The following TAF2 variants were observed in gnomAD, a reference collection of about 807,000 sequenced individuals.
TAF2 encodes the protein TATA-box binding protein associated factor 2.
A neutral mutation model predicts 138.5 loss-of-function variants in TAF2; 61 were observed. The ratio of observed to expected loss-of-function variants is 0.44; its 90% CI spans 0.36 to 0.54. The LOEUF is 0.54. TAF2 is among the 20% of genes least tolerant of loss of function. TAF2 has a pLI of 0.00. For missense variants in TAF2, 1,090 were observed against 1,427.9 expected, an observed-to-expected ratio of 0.76 and a Z score of 3.81; for synonymous variants, 475 against 469.9, an observed-to-expected ratio of 1.01 and a Z score of -0.14.
intron 5 of TAF2, among the ~76,000 whole-genome samples, chr8:119,803,290 G>C (rs974486261): frequency 1.3e-5 from 2 of 152,142 alleles, no homozygotes; most frequent in African/African-American, 4.8e-5. Context: ...GCAATTTTCT[G>C]TATGTATGTT....
chr8:119,793,455 A>G lies in TAF2; in HGVS notation c.1192-4T>C. ...ATGCCACTATTTTGTCTAGCTCCTA[A>G]AAAATATATAAAAATAGGAGTCAGT... On this transcript the variant is annotated splice_region_variant and splice_polypyrimidine_tract_variant and intron_variant, in intron 9 of 25. Coordinates refer to ENST00000378164, the MANE Select transcript of TAF2 (RefSeq NM_003184.4). The G allele has an allele frequency of 3.7e-6, 6 of 1,603,710 alleles. No individual in the cohort carries two copies. The highest frequency in any genetic ancestry group is 5.1e-6 in the Non-Finnish European group (6 of 1,171,984).
At chr8:119,775,133 T>C (rs953222129) in intron 18 of TAF2, among the ~76,000 whole-genome samples, 2 of 151,170 alleles carry the variant, frequency 1.3e-5, no homozygotes, top group Non-Finnish European at 2.9e-5. Flanking sequence ...ATACAAAAAT[T>C]AGCCAGGTGT....
At position 119,809,998 on chromosome 8, in the gene TAF2, T is replaced by TAAAAAA. The variant is rs56281726; in HGVS notation, c.300-3603_300-3598dup. On this transcript the variant is annotated intron_variant, in intron 3 of 25. Coordinates refer to ENST00000378164, the MANE Select transcript of TAF2 (RefSeq NM_003184.4). ...AAGGTTATCACAAACCTTCAATTTG[T>TAAAAAA]AAAAAAAAAAAAAAAAAAACAGTAT... is the stretch of plus-strand genomic sequence containing the variant. Among the ~76,000 whole-genome samples the TAAAAAA allele has an allele frequency of 1.1e-3, 131 of 117,502 alleles. 7 individuals are homozygous for TAAAAAA. Among genetic ancestry groups the TAAAAAA allele is most frequent in the East Asian group, 1.9e-3 (7 of 3,734 alleles). The allele number at this position is 117,502 out of a possible 152,430, so 77.1% of individuals were successfully genotyped here. A position where few individuals can be genotyped will look rare whatever the true frequency, so the allele number is the denominator to read the frequency against.
chr8:119,732,086 G>A lies in TAF2; in HGVS notation c.3438C>T (p.His1146=). The change falls in exon 26 of 26, where the codon CAC becomes CAT. Residue 1146 remains histidine, a synonymous_variant. Transcript: ENST00000378164. ...KESTASKHSD[H]HHHHHHEHKK... ...TGTGCTCATGGTGATGGTGGTGATG[G>A]TGGTCACTGTGTTTGGAGGCTGTAG... 1 of 1,614,142 alleles carries A rather than the reference G, an allele frequency of 6.2e-7. No individual in the cohort carries two copies. The highest frequency in any genetic ancestry group is 8.5e-7 in the Non-Finnish European group (1 of 1,180,034).
intron 1 of TAF2, among the ~76,000 whole-genome samples, chr8:119,832,055 A>T (rs1376879906): frequency 6.6e-6 from 1 of 152,138 alleles, no homozygotes; most frequent in African/African-American, 2.4e-5. Context: ...GCTACTCAGG[A>T]GGCTGAGCCA....
intron 12 of TAF2, 57 bp downstream of exon 12, chr8:119,789,535 T>A: frequency 6.2e-7 from 1 of 1,600,970 alleles, no homozygotes; most frequent in Non-Finnish European, 8.5e-7. Flanking sequence ...CATCTTCCCC[T>A]TGCACACATA....
chr8:119,826,054 T>C (rs1003595592), intron 2 of TAF2, among the ~76,000 whole-genome samples: 1 of 151,638 alleles, frequency 6.6e-6, no homozygotes, highest in African/African-American at 2.4e-5. Flanking sequence ...AAGTGGGAGT[T>C]GAATAATGAG....
chr8:119,777,966 G>T, intron 18 of TAF2, 53 bp downstream of exon 18: 1 of 982,068 alleles, frequency 1.0e-6, no homozygotes. Context: ...TATTCATTAA[G>T]AAAATTATCT....
rs1826533454 is a variant in TAF2, at chr8:119,832,554, G to A, written c.11C>T (p.Thr4Ile). 3 of 1,613,224 alleles carry A rather than the reference G, an allele frequency of 1.9e-6. No individual in the cohort carries two copies. Among genetic ancestry groups the A allele is most frequent in the Non-Finnish European group, 2.5e-6 (3 of 1,180,040 alleles). ...GTTCATTCTGGCGGGCTCTACACCA[G>A]TCAGCGGCATGAAGCGGTCCCGCGG... MPL[T>I]GVEPARMNRK... The change falls in exon 1 of 26, where the codon ACT becomes ATT. Residue 4 changes from threonine to isoleucine, a missense_variant. Thr to Ile is a moderately conservative substitution (Grantham distance 89). Transcript: ENST00000378164.
intron 5 of TAF2, among the ~76,000 whole-genome samples, chr8:119,802,702 C>A (rs538584418): frequency 2.6e-5 from 4 of 152,238 alleles, no homozygotes; most frequent in African/African-American, 9.6e-5. Flanking sequence ...TACCTGAGGT[C>A]AGGAGTTGGA....
chr8:119,745,657 C>T (rs893318887), intron 23 of TAF2, among the ~76,000 whole-genome samples: 2 of 151,544 alleles, frequency 1.3e-5, no homozygotes, highest in Non-Finnish European at 2.9e-5. Context: ...ATTTTGTCAT[C>T]AATAAAAAAA....
At chr8:119,803,850 T>C (rs200255553) in intron 5 of TAF2, 28 bp downstream of exon 5, 161 of 1,581,850 alleles carry the variant, frequency 1.0e-4, no homozygotes, top group Non-Finnish European at 1.3e-4. Flanking sequence ...TAAAAATTAA[T>C]TGAAATATTT....
chr8:119,821,319 C>T (rs1825793580), intron 2 of TAF2, among the ~76,000 whole-genome samples: 1 of 152,156 alleles, frequency 6.6e-6, no homozygotes, highest in African/African-American at 2.4e-5. Flanking sequence ...GCTCTCTCCC[C>T]ACCACTTCAC....
chr8:119,749,812 T>C (rs1312323141), intron 22 of TAF2, among the ~76,000 whole-genome samples: 1 of 152,156 alleles, frequency 6.6e-6, no homozygotes, highest in East Asian at 1.9e-4. Flanking sequence ...CTACCTCCCC[T>C]TTCCCCATCA....
At chr8:119,739,851 CTTTG>C in intron 25 of TAF2, among the ~76,000 whole-genome samples, 1 of 151,296 alleles carries the variant, frequency 6.6e-6, no homozygotes, top group East Asian at 1.9e-4. Flanking sequence ...TGCTTTTTTT[CTTTG>C]TTTCCTGAAT....
intron 2 of TAF2, among the ~76,000 whole-genome samples, chr8:119,820,825 A>G (rs1825764857): frequency 6.6e-6 from 1 of 152,244 alleles, no homozygotes; most frequent in Non-Finnish European, 1.5e-5. Flanking sequence ...CTAGAAACAC[A>G]GAGAACAAAA....
chr8:119,827,277 C>T (rs1443176086), intron 2 of TAF2, among the ~76,000 whole-genome samples: 1 of 152,208 alleles, frequency 6.6e-6, no homozygotes, highest in Non-Finnish European at 1.5e-5. Flanking sequence ...CCCTGATGCT[C>T]ACTTCCTGCT....
Position 119,731,662 on chromosome 8 carries a change from A to T in TAF2, c.*262T>A. 2.1e-6 allele frequency: 1 copy of T among 485,206 alleles called. No individual in the cohort carries two copies. 30.1% of individuals were successfully genotyped at this position (485,206 alleles called of 1,614,324 possible). ...CCAGTGGATATGAGGGCTTTTATGA[A>T]AGGGAGTTTGCTCTGTGTGTGTGTT... On this transcript the variant is annotated 3_prime_UTR_variant, in exon 26 of 26. Transcript: ENST00000378164.
intron 14 of TAF2, among the ~76,000 whole-genome samples, chr8:119,787,780 T>C (rs10099936): frequency 0.6 from 91,155 of 152,024 alleles, 27,596 homozygotes; most frequent in Middle Eastern, 0.76. Context: ...TATAAAGACA[T>C]ATGCACACGT....
Sources: allele counts gnomAD v4.1 joint callset (sites outside exome capture counted in the v4.1 genomes callset), GRCh38; gene constraint gnomAD v4.1.1; transcripts MANE v1.5; gene names NCBI Gene and HGNC (gene_info 2026-07-23, HGNC 2026-07-21).